The following TRAPPC3L variants were observed in gnomAD, a reference collection of about 807,000 sequenced individuals.
The protein encoded by TRAPPC3L is trafficking protein particle complex subunit 3-like protein.
A neutral mutation model predicts 23.7 loss-of-function variants in TRAPPC3L; 23 were observed. The observed-to-expected ratio is 0.97, with a 90% CI of 0.70 to 1.37. The LOEUF is 1.37. Ranked by LOEUF, TRAPPC3L falls within the 40% of genes most tolerant of loss-of-function variation. The probability of loss-of-function intolerance (pLI) is 0.00; values close to 1 mark genes in which losing one functional copy is unlikely to be tolerated. For missense variants in TRAPPC3L, 212 were observed against 216.8 expected, an observed-to-expected ratio of 0.98 and a Z score of 0.14; for synonymous variants, 81 against 77.9, an observed-to-expected ratio of 1.04 and a Z score of -0.21.
Position 116,496,718 on chromosome 6 carries a change from T to C in TRAPPC3L, c.*236A>G, listed in dbSNP as rs949908277. The C allele has an allele frequency of 6.9e-5, 30 of 431,706 alleles. No homozygotes were observed. Among genetic ancestry groups the C allele is most frequent in the Non-Finnish European group, 1.1e-4 (28 of 252,276 alleles). The allele number at this position is 431,706 out of a possible 1,614,324, so 26.7% of individuals were successfully genotyped here. A position where few individuals can be genotyped will look rare whatever the true frequency, so the allele number is the denominator to read the frequency against. On this transcript the variant is annotated 3_prime_UTR_variant, in exon 5 of 5. Transcript: ENST00000368602. The stretch of plus-strand genomic sequence containing the variant: ...TAAGATGTGGAATTCCTGCCTGCTA[T>C]CTTGTAAGGAGCTATTTGCATATGA...
rs181243626 is a variant in TRAPPC3L at position 116,538,531 on chromosome 6, A to T, written c.240+1832T>A. Among the ~76,000 whole-genome samples the T allele has an allele frequency of 7.9e-5, 12 of 152,310 alleles. No homozygotes were observed. The East Asian group carries it at 2.3e-3, about 29-fold the overall frequency. Reference sequence around the variant, plus strand: ...ATACAAACATATCCAGAGGAATGAAATTTTTTGCTAGTTATGCTAACATAT... The same window carrying T: ...ATACAAACATATCCAGAGGAATGAATTTTTTTGCTAGTTATGCTAACATAT... On this transcript the variant is annotated intron_variant, in intron 3 of 4. Transcript: ENST00000368602.
chr6:116,543,355 G>A lies in TRAPPC3L; in HGVS notation c.88C>T (p.Leu30=). The change falls in exon 2 of 5, where the codon CTG becomes TTG. Residue 30 remains leucine (L), a synonymous_variant. Coordinates refer to ENST00000368602, the MANE Select transcript of TRAPPC3L (RefSeq NM_001139444.3). ...VLTYGALVAQ[L]CKDYEKDEDV... ...TCATCCTTCTCATAATCCTTACACA[G>A]CTGGGCAACCAGAGCTCCATAGGTA... is the stretch of plus-strand genomic sequence containing the variant. The A allele has an allele frequency of 6.5e-7, 1 of 1,549,968 alleles. No homozygotes were observed. Among genetic ancestry groups the A allele is most frequent in the Non-Finnish European group, 8.7e-7 (1 of 1,145,726 alleles).
At position 116,542,906 on chromosome 6, in the gene TRAPPC3L, G is replaced by A. The variant is rs1321873669; in HGVS notation, c.140+397C>T. 2.0e-5 allele frequency among the ~76,000 whole-genome samples: 3 copies of A among 152,036 alleles called. 1 individual carries two copies. Among genetic ancestry groups the A allele is most frequent in the Non-Finnish European group, 4.4e-5 (3 of 67,956 alleles). On this transcript the variant is annotated intron_variant, in intron 2 of 4. Coordinates refer to ENST00000368602, the MANE Select transcript of TRAPPC3L (RefSeq NM_001139444.3). ...TATATCTTTCAATAGATGGTCTGTG[G>A]TTGTGTAAGCATATATTTATATTGG... is the stretch of plus-strand genomic sequence containing the variant.
At chr6:116,536,749 A>G (rs1278443623) in intron 3 of TRAPPC3L, among the ~76,000 whole-genome samples, 1 of 152,142 alleles carries the variant, frequency 6.6e-6, no homozygotes, top group Non-Finnish European at 1.5e-5. Context: ...AGGGGAGCCA[A>G]ACAAATTTTA....
intron 4 of TRAPPC3L, 26 bp from the exon 5 acceptor site, chr6:116,497,099 T>G: frequency 6.6e-7 from 1 of 1,507,430 alleles, no homozygotes; most frequent in Non-Finnish European, 8.8e-7. Flanking sequence ...AAAACAGGCC[T>G]GTGTCATTCA....
intron 3 of TRAPPC3L, among the ~76,000 whole-genome samples, chr6:116,534,342 T>G (rs535419326): frequency 6.6e-6 from 1 of 152,350 alleles, no homozygotes; most frequent in East Asian, 1.9e-4. Flanking sequence ...ATTGGAAATC[T>G]ATAGCCCTCA....
chr6:116,511,183 G>GATATATATATATATATATAT (rs59420398), intron 3 of TRAPPC3L, among the ~76,000 whole-genome samples: 18 of 141,496 alleles, frequency 1.3e-4, no homozygotes, highest in African/African-American at 4.1e-4. Context: ...AAAAGCTATT[G>GATATATATATATATATATAT]ATATATATAT....
chr6:116,500,164 G>A (rs571457955), intron 4 of TRAPPC3L, among the ~76,000 whole-genome samples: 1 of 152,174 alleles, frequency 6.6e-6, no homozygotes, highest in Admixed American at 6.5e-5. Flanking sequence ...AGTGAGCTTG[G>A]AAGTAGATTC....
chr6:116,522,961 C>T (rs1772372484), intron 3 of TRAPPC3L: 1 of 119,098 alleles, frequency 8.4e-6, no homozygotes. Context: ...ATATAAAAAT[C>T]ATCTGGAGGG....
At chr6:116,529,362 T>C (rs758042532) in intron 3 of TRAPPC3L, among the ~76,000 whole-genome samples, 7 of 151,958 alleles carry the variant, frequency 4.6e-5, no homozygotes, top group Admixed American at 2.0e-4. Flanking sequence ...TGGCGAGATA[T>C]TAAAAAATTT....
rs117152903 is a variant in TRAPPC3L, at chr6:116,509,578, G to A, written c.241-8912C>T. 1.7e-3 allele frequency among the ~76,000 whole-genome samples: 253 copies of A among 152,208 alleles called. 3 individuals are homozygous for A. In the East Asian group the frequency reaches 0.045, roughly 27 times the overall value. On this transcript the variant is annotated intron_variant, in intron 3 of 4. Coordinates refer to ENST00000368602, the MANE Select transcript of TRAPPC3L (RefSeq NM_001139444.3). ...CATACAAAAACATAAACTGGGGAAAGGACACTGTATCCATTAAAAGGTGCT... is the reference window on the plus strand; with the variant it reads ...CATACAAAAACATAAACTGGGGAAAAGACACTGTATCCATTAAAAGGTGCT...
rs911719423 is a variant in TRAPPC3L at position 116,526,252 on chromosome 6, C to CT, written c.240+14110dup. On this transcript the variant is annotated intron_variant, in intron 3 of 4. Transcript: ENST00000368602. ...GATCATATCTCTCTAGTGTTTTCCA[C>CT]TTTTTTTCCAAATGGATTTTTATTT... Among the ~76,000 whole-genome samples the CT allele has an allele frequency of 2.6e-5, 4 of 152,136 alleles. No homozygotes were observed. In the East Asian group the frequency reaches 5.8e-4, roughly 22 times the overall value.
rs1377553428 is a variant in TRAPPC3L at position 116,497,069 on chromosome 6, T to G, written c.431A>C (p.His144Pro). 1.3e-6 allele frequency: 2 copies of G among 1,540,374 alleles called. No individual in the cohort carries two copies. Among genetic ancestry groups the G allele is most frequent in the Non-Finnish European group, 1.7e-6 (2 of 1,143,608 alleles). The stretch of plus-strand genomic sequence containing the variant: ...CAAGAATGTAACATCAGCCGCCAAA[T>G]GAACCTAGGAAAGAAGAAAAAAACA... ...GIIRGALEMV[H>P]LAADVTFLQD... Residue 144 changes from histidine to proline, a missense_variant, in exon 5 of 5, where the codon CAT becomes CCT. Physicochemically the swap from His to Pro is moderately conservative, Grantham distance 77. Coordinates refer to ENST00000368602, the MANE Select transcript of TRAPPC3L (RefSeq NM_001139444.3).
chr6:116,496,971 A>G lies in TRAPPC3L; in HGVS notation c.529T>C (p.Tyr177His). The G allele has an allele frequency of 6.5e-7, 1 of 1,542,982 alleles. No homozygotes were observed. Among genetic ancestry groups the G allele is most frequent in the Non-Finnish European group, 8.7e-7 (1 of 1,144,764 alleles). The change falls in exon 5 of 5, where the codon TAT becomes CAT. Residue 177 changes from tyrosine to histidine, a missense_variant. Physicochemically the swap from Tyr to His is moderately conservative, Grantham distance 83. Transcript: ENST00000368602. ...GCTAGTCTTCATTTTTTCCCTCTAT[A>G]TTTTTTCTCGTCTCGCTTTTTTAGA... is the stretch of plus-strand genomic sequence containing the variant. ...TFLKKRDEKKYRGKK is the reference protein window; with the variant it reads ...TFLKKRDEKKHRGKK
chr6:116,517,270 A>G (rs1025209888), intron 3 of TRAPPC3L: 1 of 152,146 alleles, frequency 6.6e-6, no homozygotes, highest in South Asian at 2.1e-4. Context: ...ACCTTGGCTA[A>G]AGGTCTGGGG....
intron 3 of TRAPPC3L, chr6:116,521,122 A>G (rs1467923940): frequency 2.0e-5 from 3 of 151,920 alleles, no homozygotes; most frequent in East Asian, 3.8e-4. Flanking sequence ...ATATATATAT[A>G]TGCTACATAT....
At chr6:116,525,042 A>C (rs534873480) in intron 3 of TRAPPC3L, among the ~76,000 whole-genome samples, 5 of 152,378 alleles carry the variant, frequency 3.3e-5, no homozygotes, top group South Asian at 2.1e-4. Context: ...GTTATTGAAC[A>C]TCAATTTGGA....
chr6:116,528,680 A>G (rs1470911608), intron 3 of TRAPPC3L, among the ~76,000 whole-genome samples: 1 of 152,214 alleles, frequency 6.6e-6, no homozygotes, highest in Non-Finnish European at 1.5e-5. Context: ...GCTACTAAAT[A>G]GGAAAATGGT....
chr6:116,506,747 A>T (rs1246312559), intron 3 of TRAPPC3L, among the ~76,000 whole-genome samples: 1 of 152,190 alleles, frequency 6.6e-6, no homozygotes. Flanking sequence ...CGTCATTCTC[A>T]ACAAGATATC....
Sources: allele counts gnomAD v4.1 joint callset (sites outside exome capture counted in the v4.1 genomes callset), GRCh38; gene constraint gnomAD v4.1.1; transcripts MANE v1.5; gene names NCBI Gene and HGNC (gene_info 2026-07-23, HGNC 2026-07-21).